HHAT: variants seen among roughly 807,000 people sequenced by gnomAD.
The protein encoded by HHAT is hedgehog acyltransferase.
In HHAT, 47 loss-of-function variants were observed where a neutral mutation model predicts 70.8. That is an observed-to-expected ratio of 0.66 (90% CI 0.53 to 0.85). HHAT has a LOEUF of 0.85. Ranked by LOEUF, HHAT falls within the 40% of genes least tolerant of loss-of-function variation. The pLI is 0.00. For missense variants in HHAT, 609 were observed against 604.8 expected, an observed-to-expected ratio of 1.01 and a Z score of -0.07; for synonymous variants, 228 against 247.6, an observed-to-expected ratio of 0.92 and a Z score of 0.74.
intron 9 of HHAT, among the ~76,000 whole-genome samples, chr1:210,568,284 A>G (rs568997396): frequency 2.3e-4 from 35 of 152,344 alleles, no homozygotes; most frequent in Non-Finnish European, 4.3e-4. Context: ...AGCTCCTTCC[A>G]CCATATTTTG....
chr1:210,358,769 T>A (rs1295659435), intron 2 of HHAT, among the ~76,000 whole-genome samples: 1 of 152,140 alleles, frequency 6.6e-6, no homozygotes, highest in Non-Finnish European at 1.5e-5. Flanking sequence ...GACTAGGGTG[T>A]GTGTGTGTAT....
At chr1:210,523,219 C>T (rs1465440681) in intron 9 of HHAT, among the ~76,000 whole-genome samples, 1 of 152,264 alleles carries the variant, frequency 6.6e-6, no homozygotes, top group African/African-American at 2.4e-5. Context: ...TCCATCTCAT[C>T]TCACCATTAT....
chr1:210,564,979 G>C (rs912247646), intron 9 of HHAT, among the ~76,000 whole-genome samples: 4 of 152,130 alleles, frequency 2.6e-5, no homozygotes, highest in Non-Finnish European at 5.9e-5. Flanking sequence ...ATGAAAGAAA[G>C]ACATTTATGA....
intron 8 of HHAT, among the ~76,000 whole-genome samples, chr1:210,502,739 G>T (rs2094783054): frequency 6.6e-6 from 1 of 152,120 alleles, no homozygotes; most frequent in Non-Finnish European, 1.5e-5. Context: ...TTCTACTGAA[G>T]TACTAATTAT....
intron 8 of HHAT, among the ~76,000 whole-genome samples, chr1:210,465,648 C>G (rs1198332788): frequency 6.6e-6 from 1 of 152,064 alleles, no homozygotes; most frequent in Non-Finnish European, 1.5e-5. Context: ...TCTCTATAGG[C>G]AAAAAAACCA....
intron 2 of HHAT, among the ~76,000 whole-genome samples, chr1:210,360,341 G>A (rs907358146): frequency 1.4e-4 from 21 of 147,450 alleles, no homozygotes; most frequent in Non-Finnish European, 3.0e-4. Context: ...ATGAAGTTTC[G>A]CTCTTTTTGC....
chr1:210,545,731 C>G (rs2095477698), intron 9 of HHAT, among the ~76,000 whole-genome samples: 1 of 152,178 alleles, frequency 6.6e-6, no homozygotes, highest in African/African-American at 2.4e-5. Context: ...GCCACTGCAC[C>G]AGGCCTTAGT....
chr1:210,409,893 C>T lies in HHAT; in HGVS notation c.684+5214C>T, dbSNP rs369241956. Among the ~76,000 whole-genome samples the T allele has an allele frequency of 3.3e-5, 5 of 152,198 alleles. No homozygotes were observed. In the South Asian group the frequency reaches 6.2e-4, roughly 19 times the overall value. On this transcript the variant is annotated intron_variant, in intron 6 of 11. Transcript: ENST00000261458. Reference sequence around the variant, plus strand: ...AGTGATGCCTGAACTTCACAATTTCCATGGTGGCAGTTTCCAGTGGTCTAA... The same window carrying T: ...AGTGATGCCTGAACTTCACAATTTCTATGGTGGCAGTTTCCAGTGGTCTAA...
chr1:210,538,075 A>AT (rs200582852), intron 9 of HHAT, among the ~76,000 whole-genome samples: 12,082 of 141,994 alleles, frequency 0.085, 622 homozygotes, highest in East Asian at 0.22. Flanking sequence ...CACATTTTGT[A>AT]TTTTTTTTTT....
chr1:210,370,359 G>A (rs181932906), intron 3 of HHAT, among the ~76,000 whole-genome samples: 8 of 151,408 alleles, frequency 5.3e-5, no homozygotes, highest in Non-Finnish European at 7.4e-5. Context: ...ATTTTTAGTA[G>A]AGATGGAGTT....
At chr1:210,349,689 G>C (rs1250908352) in intron 2 of HHAT, among the ~76,000 whole-genome samples, 1 of 137,222 alleles carries the variant, frequency 7.3e-6, no homozygotes, top group East Asian at 2.1e-4. Context: ...TTTCGCTCTT[G>C]TCGCCCAGGC....
chr1:210,485,165 G>C (rs1187409205), intron 8 of HHAT, among the ~76,000 whole-genome samples: 1 of 152,146 alleles, frequency 6.6e-6, no homozygotes, highest in African/African-American at 2.4e-5. Context: ...CAGAGCTCAG[G>C]CCTCCCCTTC....
chr1:210,485,987 G>T (rs1359657862), intron 8 of HHAT, among the ~76,000 whole-genome samples: 1 of 152,180 alleles, frequency 6.6e-6, no homozygotes, highest in Non-Finnish European at 1.5e-5. Flanking sequence ...GAAGGAATAA[G>T]ATTAGGATCT....
chr1:210,672,139 C>A lies in HHAT; in HGVS notation c.1391-2149C>A, dbSNP rs116396357. Among the ~76,000 whole-genome samples, 1,151 of 152,302 alleles carry A rather than the reference C, an allele frequency of 7.6e-3. 18 individuals carry two copies. Among genetic ancestry groups the A allele is most frequent in the African/African-American group, 0.024 (1,015 of 41,548 alleles). On this transcript the variant is annotated intron_variant, in intron 11 of 11. Transcript: ENST00000261458. ...TATCCCTAGTTTTTCATTTGAGATTCATTAACTTGCTCGAGGTTCCACAGC... is the reference window on the plus strand; with the variant it reads ...TATCCCTAGTTTTTCATTTGAGATTAATTAACTTGCTCGAGGTTCCACAGC...
At position 210,553,856 on chromosome 1, in the gene HHAT, G is replaced by A. The variant is rs114155849; in HGVS notation, c.1044-34042G>A. Among the ~76,000 whole-genome samples, 890 of 152,184 alleles carry A rather than the reference G, an allele frequency of 5.8e-3. 13 individuals are homozygous for A. The highest frequency in any genetic ancestry group is 0.02 in the African/African-American group (840 of 41,502). The stretch of plus-strand genomic sequence containing the variant: ...GTTTGCTGGGCCGTGGCTCCACCCC[G>A]AGTGTATCCACTTCATTACTCTCCA... On this transcript the variant is annotated intron_variant, in intron 9 of 11. Coordinates refer to ENST00000261458, the MANE Select transcript of HHAT (RefSeq NM_018194.6).
At chr1:210,412,366 G>T (rs1485745283) in intron 6 of HHAT, among the ~76,000 whole-genome samples, 1 of 152,154 alleles carries the variant, frequency 6.6e-6, no homozygotes, top group Non-Finnish European at 1.5e-5. Flanking sequence ...CAACTCAAGT[G>T]TCTGAAATCC....
At chr1:210,493,002 T>G (rs530236797) in intron 8 of HHAT, among the ~76,000 whole-genome samples, 8 of 152,100 alleles carry the variant, frequency 5.3e-5, no homozygotes, top group Non-Finnish European at 1.2e-4. Context: ...TGTACCCTCA[T>G]TTTTCTACTA....
intron 9 of HHAT, among the ~76,000 whole-genome samples, chr1:210,530,572 G>A (rs993037325): frequency 1.3e-5 from 2 of 152,194 alleles, no homozygotes; most frequent in African/African-American, 4.8e-5. Context: ...TACTGAATAA[G>A]GAGTTATTAA....
chr1:210,626,325 G>C lies in HHAT; in HGVS notation c.1390+2655G>C, dbSNP rs190497283. Among the ~76,000 whole-genome samples the C allele has an allele frequency of 4.2e-3, 638 of 152,296 alleles. 4 individuals are homozygous for C. The highest frequency in any genetic ancestry group is 0.012 in the African/African-American group (479 of 41,556). Reference sequence around the variant, plus strand: ...CTGCTGCCTCATGGGACCAGCTATGGTCTGTGACTGAACGCACTATTTGTG... The same window carrying C: ...CTGCTGCCTCATGGGACCAGCTATGCTCTGTGACTGAACGCACTATTTGTG... On this transcript the variant is annotated intron_variant, in intron 11 of 11. Transcript: ENST00000261458.
Sources: gnomAD v4.1 joint callset for allele counts (sites outside exome capture counted in the v4.1 genomes callset) on GRCh38, gnomAD v4.1.1 for gene constraint, MANE v1.5 for transcripts, NCBI Gene and HGNC (gene_info 2026-07-23, HGNC 2026-07-21) for gene names.